Variants in KIF21A observed in about 807,000 individuals in gnomAD.
KIF21A encodes kinesin family member 21A.
Under a neutral mutation model 202.9 loss-of-function variants are expected in KIF21A, and 114 were observed. That is an observed-to-expected ratio of 0.56 (90% CI 0.48 to 0.66). The LOEUF (loss-of-function observed/expected upper bound fraction) is 0.66, where lower values mean the gene tolerates loss of function less well. Among genes scored for constraint, KIF21A ranks in the 30% least tolerant of loss-of-function variants. KIF21A has a pLI of 0.00. For missense variants in KIF21A, 1,677 were observed against 1,994.9 expected, an observed-to-expected ratio of 0.84 and a Z score of 3.04; for synonymous variants, 667 against 670.8, an observed-to-expected ratio of 0.99 and a Z score of 0.09.
At chr12:39,345,156 C>A (rs921105383) in intron 12 of KIF21A, among the ~76,000 whole-genome samples, 29 of 152,180 alleles carry the variant, frequency 1.9e-4, no homozygotes, top group African/African-American at 5.8e-4. Context: ...ACCACCCAAC[C>A]ACTCTGCTTT....
Position 39,340,243 on chromosome 12 carries a change from C to T in KIF21A, c.2232G>A (p.Arg744=). Residue 744 remains arginine, a synonymous_variant, in exon 16 of 38, where the codon AGG becomes AGA. Transcript: ENST00000361418. ...RLQAAQKEHA[R]LLKNQSQYEK... ...CATACTGAGACTGATTTTTAAGCAACCTTGCATGTTCTTTTTGAGCTGCTT... is the reference window on the plus strand; with the variant it reads ...CATACTGAGACTGATTTTTAAGCAATCTTGCATGTTCTTTTTGAGCTGCTT... The T allele has an allele frequency of 1.9e-6, 3 of 1,613,162 alleles. No homozygotes were observed. The highest frequency in any genetic ancestry group is 2.5e-6 in the Non-Finnish European group (3 of 1,179,620).
chr12:39,380,416 G>A (rs929323733), intron 1 of KIF21A, among the ~76,000 whole-genome samples: 8 of 152,156 alleles, frequency 5.3e-5, no homozygotes, highest in East Asian at 1.9e-4. Flanking sequence ...TGGATACAGC[G>A]GGAGTTTTCA....
intron 31 of KIF21A, among the ~76,000 whole-genome samples, chr12:39,314,997 TAA>T (rs570494041): frequency 3.9e-4 from 59 of 152,078 alleles, no homozygotes; most frequent in African/African-American, 1.4e-3. Context: ...AATAGAAACT[TAA>T]TGATATTAGA....
intron 7 of KIF21A, among the ~76,000 whole-genome samples, chr12:39,360,635 C>G (rs143750106): frequency 6.7e-6 from 1 of 150,212 alleles, no homozygotes; most frequent in Non-Finnish European, 1.5e-5. Flanking sequence ...TCAGGTTATC[C>G]GCCCACCTAG....
chr12:39,389,991 C>T (rs116327486), intron 1 of KIF21A, among the ~76,000 whole-genome samples: 2,281 of 152,242 alleles, frequency 0.015, 46 homozygotes, highest in African/African-American at 0.051. Flanking sequence ...TATACACTTT[C>T]CCTTCATTCT....
intron 7 of KIF21A, among the ~76,000 whole-genome samples, chr12:39,360,393 A>ATTT (rs201499236): frequency 9.0e-5 from 13 of 145,226 alleles, no homozygotes; most frequent in African/African-American, 2.3e-4. Flanking sequence ...TAGAAATATG[A>ATTT]TTTTTTTTTT....
intron 11 of KIF21A, among the ~76,000 whole-genome samples, chr12:39,347,301 C>T (rs1592264239): frequency 6.7e-6 from 1 of 149,892 alleles, no homozygotes; most frequent in Non-Finnish European, 1.5e-5. Context: ...TTTTAAGAAA[C>T]ATATAAGAAA....
intron 1 of KIF21A, among the ~76,000 whole-genome samples, chr12:39,432,174 T>C (rs1158216471): frequency 6.6e-6 from 1 of 152,254 alleles, no homozygotes; most frequent in African/African-American, 2.4e-5. Flanking sequence ...GTCTTGTGTT[T>C]GATTTACCAT....
intron 6 of KIF21A, among the ~76,000 whole-genome samples, chr12:39,365,959 C>T (rs1949573781): frequency 6.6e-6 from 1 of 152,080 alleles, no homozygotes; most frequent in South Asian, 2.1e-4. Context: ...GCCATGATCG[C>T]ACCACTGTAC....
intron 29 of KIF21A, among the ~76,000 whole-genome samples, chr12:39,317,821 A>G (rs1592108336): frequency 1.3e-5 from 2 of 152,250 alleles, no homozygotes; most frequent in South Asian, 4.1e-4. Flanking sequence ...CTTGTAAAAG[A>G]AAAGGCAAGA....
intron 33 of KIF21A, among the ~76,000 whole-genome samples, chr12:39,308,118 C>T (rs1943653246): frequency 6.6e-6 from 1 of 151,866 alleles, no homozygotes; most frequent in African/African-American, 2.4e-5. Context: ...CCTGTAATCC[C>T]AGCACTTTGG....
chr12:39,440,930 G>C (rs1463363607), intron 1 of KIF21A, among the ~76,000 whole-genome samples: 1 of 152,014 alleles, frequency 6.6e-6, no homozygotes, highest in African/African-American at 2.4e-5. Flanking sequence ...TTAGAGGATT[G>C]CTTGAGCCCA....
intron 1 of KIF21A, among the ~76,000 whole-genome samples, chr12:39,441,006 C>T (rs933248996): frequency 2.0e-5 from 3 of 150,072 alleles, no homozygotes; most frequent in African/African-American, 4.9e-5. Flanking sequence ...CACAGCAAAA[C>T]CCTATCTCAA....
At chr12:39,309,503 T>G in intron 33 of KIF21A, 83 bp downstream of exon 33, 1 of 970,556 alleles carries the variant, frequency 1.0e-6, no homozygotes, top group Non-Finnish European at 1.5e-6. Flanking sequence ...GCATTTATAG[T>G]CCTCTCTTTT....
Position 39,293,791 on chromosome 12 carries a change from C to A in KIF21A, c.*633G>T, listed in dbSNP as rs576155060. 2 of 152,272 alleles carry A rather than the reference C, an allele frequency of 1.3e-5. No individual in the cohort carries two copies. The highest frequency in any genetic ancestry group is 2.9e-5 in the Non-Finnish European group (2 of 68,132). The allele number at this position is 152,272 out of a possible 1,614,324, so 9.4% of individuals were successfully genotyped here. On this transcript the variant is annotated 3_prime_UTR_variant, in exon 38 of 38. Transcript: ENST00000361418. ...CTGAGCACAGAATATAGTAGAGCTG[C>A]AAAACTTTGGTCAATACAAGTAAAT...
intron 16 of KIF21A, among the ~76,000 whole-genome samples, chr12:39,339,546 A>C (rs529763256): frequency 6.6e-6 from 1 of 152,316 alleles, no homozygotes; most frequent in Admixed American, 6.5e-5. Flanking sequence ...ATGCATGATT[A>C]TACTTTCTAA....
At chr12:39,411,076 G>A (rs887499930) in intron 1 of KIF21A, among the ~76,000 whole-genome samples, 6 of 152,034 alleles carry the variant, frequency 3.9e-5, no homozygotes, top group Admixed American at 3.9e-4. Context: ...CCTTGCCTTT[G>A]CCATAAAGCA....
intron 1 of KIF21A, among the ~76,000 whole-genome samples, chr12:39,383,868 T>C (rs1203748946): frequency 6.6e-6 from 1 of 152,180 alleles, no homozygotes; most frequent in Admixed American, 6.6e-5. Flanking sequence ...CTTAGAGCAG[T>C]ACTTTTTAAA....
In KIF21A at chr12:39,367,119, T is replaced by C. The variant is rs891941469; in HGVS notation, c.646A>G (p.Ser216Gly). The C allele has an allele frequency of 3.1e-6, 5 of 1,613,820 alleles. No homozygotes were observed. In the African/African-American group the frequency reaches 5.3e-5, roughly 17 times the overall value. The change falls in exon 5 of 38, where the codon AGT (serine) becomes GGT (glycine). Residue 216 changes from serine to glycine, a missense_variant. Ser to Gly is a moderately conservative substitution (Grantham distance 56). This residue lies in a region of KIF21A where 966 missense variants were observed against 1,180.9 expected (regional missense o/e 0.82). Transcript: ENST00000361418. ...KLGALSRTTA[S>G]TQMNVQSSRS... is the part of the protein sequence containing the mutation. ...GAGCTCTGAACATTCATCTGGGTAC[T>C]GGCAGTTGTCCGGGATAAAGCACCC...
Sources: allele counts gnomAD v4.1 joint callset (sites outside exome capture counted in the v4.1 genomes callset), GRCh38; gene constraint gnomAD v4.1.1; regional missense constraint gnomAD v4.1.1; transcripts MANE v1.5; gene names NCBI Gene and HGNC (gene_info 2026-07-23, HGNC 2026-07-21).